MYO5C: variants seen among roughly 807,000 people sequenced by gnomAD.
MYO5C encodes the protein myosin VC, also known as unconventional myosin-Vc.
MYO5C carries 194 observed loss-of-function variants against 235.7 expected under a neutral mutation model. That is an observed-to-expected ratio of 0.82 (90% CI 0.73 to 0.93). The LOEUF is 0.93. MYO5C is among the 40% of genes least tolerant of loss of function. MYO5C has a pLI of 0.00. For synonymous variants in MYO5C, 707 were observed against 754.8 expected (o/e 0.94, Z 1.04); for missense variants, 2,038 against 2,127.2 (o/e 0.96, Z 0.82).
chr15:52,230,158 G>C (rs549853940), intron 24 of MYO5C, among the ~76,000 whole-genome samples: 1 of 152,296 alleles, frequency 6.6e-6, no homozygotes, highest in African/African-American at 2.4e-5. Flanking sequence ...TGCTCTAGAA[G>C]GTTGCTCAAT....
Position 52,195,413 on chromosome 15 carries a change from C to T in MYO5C, c.5040G>A (p.Glu1680=). 3 of 1,613,592 alleles carry T rather than the reference C, an allele frequency of 1.9e-6. No homozygotes were observed. The highest frequency in any genetic ancestry group is 2.5e-6 in the Non-Finnish European group (3 of 1,179,722). Residue 1680 remains glutamate (E), a synonymous_variant, in exon 40 of 41, where the codon GAG becomes GAA. Transcript: ENST00000261839. ...GAACAAAGGATGGAGTCACTCTCTT[C>T]TCAAAGTCATCTATAGGTGTGTATG... ...LNSYTPIDDF[E]KRVTPSFVRK... is the part of the protein sequence containing the mutation.
At chr15:52,293,918 C>A (rs1405547900) in intron 1 of MYO5C, among the ~76,000 whole-genome samples, 2 of 152,192 alleles carry the variant, frequency 1.3e-5, no homozygotes, top group Non-Finnish European at 1.5e-5. Context: ...CCCTTCACAC[C>A]TCCAGAACAG....
intron 25 of MYO5C, 31 bp downstream of exon 25, chr15:52,229,102 A>G (rs771128374): frequency 6.2e-7 from 1 of 1,609,224 alleles, no homozygotes; most frequent in African/African-American, 1.3e-5. Flanking sequence ...ACGTAACCAG[A>G]GGGCGGGGCT....
At chr15:52,203,738 CT>C (rs904393561) in intron 38 of MYO5C, among the ~76,000 whole-genome samples, 20 of 152,048 alleles carry the variant, frequency 1.3e-4, no homozygotes, top group African/African-American at 4.1e-4. Flanking sequence ...TTCTTTCTCT[CT>C]TTTTTTTGTA....
chr15:52,268,344 C>G (rs532601042), intron 8 of MYO5C, among the ~76,000 whole-genome samples: 1 of 152,288 alleles, frequency 6.6e-6, no homozygotes, highest in African/African-American at 2.4e-5. Flanking sequence ...GCGGGCAGAT[C>G]ACGAGGTCAG....
chr15:52,253,807 C>A (rs1194660036), intron 11 of MYO5C, among the ~76,000 whole-genome samples: 1 of 152,210 alleles, frequency 6.6e-6, no homozygotes, highest in Non-Finnish European at 1.5e-5. Context: ...CCTAATGCAG[C>A]CTGGCTGGGT....
At chr15:52,232,864 AAAT>A (rs1372567774) in intron 23 of MYO5C, among the ~76,000 whole-genome samples, 179 bp from the exon 24 acceptor site, 4 of 152,214 alleles carry the variant, frequency 2.6e-5, no homozygotes, top group Non-Finnish European at 5.9e-5. Context: ...GGGGGTTTCA[AAAT>A]AATAATTCTC....
chr15:52,239,337 T>A (rs2036161162), intron 21 of MYO5C, among the ~76,000 whole-genome samples: 5 of 152,324 alleles, frequency 3.3e-5, no homozygotes, highest in South Asian at 4.1e-4. Flanking sequence ...AAGGCACCTG[T>A]GGGAAAATTA....
intron 39 of MYO5C, among the ~76,000 whole-genome samples, chr15:52,195,927 T>C (rs2035037968): frequency 6.8e-6 from 1 of 146,202 alleles, no homozygotes; most frequent in Admixed American, 7.0e-5. Flanking sequence ...GCCTCCCAAG[T>C]AGCTGGGACC....
intron 38 of MYO5C, among the ~76,000 whole-genome samples, chr15:52,200,431 G>A (rs1415604783): frequency 6.6e-6 from 1 of 152,038 alleles, no homozygotes; most frequent in Non-Finnish European, 1.5e-5. Context: ...AGCCAGATAT[G>A]GTAGTGGGTG....
chr15:52,238,292 C>A (rs2036133915), intron 21 of MYO5C, among the ~76,000 whole-genome samples: 2 of 152,210 alleles, frequency 1.3e-5, no homozygotes, highest in African/African-American at 4.8e-5. Flanking sequence ...AACTAACACA[C>A]CTAGGACAGA....
At chr15:52,213,483 G>A (rs1408866582) in intron 33 of MYO5C, 197 bp from the exon 34 acceptor site, 2 of 481,548 alleles carry the variant, frequency 4.2e-6, no homozygotes, top group South Asian at 3.0e-5. Flanking sequence ...ACATCAGTGA[G>A]TACAGCTGCT....
At chr15:52,255,034 C>A (rs1233497421) in intron 11 of MYO5C, among the ~76,000 whole-genome samples, 1 of 148,530 alleles carries the variant, frequency 6.7e-6, no homozygotes, top group Non-Finnish European at 1.5e-5. Flanking sequence ...GAAACTTCTA[C>A]TGAGTAGGAT....
intron 8 of MYO5C, among the ~76,000 whole-genome samples, chr15:52,269,418 A>T (rs1306725387): frequency 3.7e-5 from 4 of 107,698 alleles, no homozygotes; most frequent in South Asian, 3.4e-4. Flanking sequence ...TTTAAGAGAG[A>T]GTCTTGATCT....
At chr15:52,268,655 T>TGAGAGAG (rs930094484) in intron 8 of MYO5C, among the ~76,000 whole-genome samples, 4 of 152,298 alleles carry the variant, frequency 2.6e-5, no homozygotes, top group South Asian at 2.1e-4. Context: ...TCATACAGAA[T>TGAGAGAG]GAGAGAGTGA....
intron 32 of MYO5C, among the ~76,000 whole-genome samples, chr15:52,217,476 T>C (rs4776020): frequency 0.049 from 7,454 of 152,238 alleles, 212 homozygotes; most frequent in African/African-American, 0.071. Context: ...GCTGACTCCA[T>C]TGAGATCCCA....
Position 52,204,931 on chromosome 15 carries a change from G to T in MYO5C, c.4754C>A (p.Ala1585Glu). Residue 1585 changes from alanine (A) to glutamate (E), a missense_variant, in exon 38 of 41, where the codon GCG (alanine) becomes GAG (glutamate). Physicochemically the swap from Ala to Glu is moderately radical, Grantham distance 107. Coordinates refer to ENST00000261839, the MANE Select transcript of MYO5C (RefSeq NM_018728.4). ...AVKQLFFLIGAVTLNSLFLRK... is the reference protein window; with the variant it reads ...AVKQLFFLIGEVTLNSLFLRK... Reference sequence around the variant, plus strand: ...CAGGAAGAGGCTGTTCAGCGTGACCGCCCCGATCAAGAAGAAGAGCTGCTT... The same window carrying T: ...CAGGAAGAGGCTGTTCAGCGTGACCTCCCCGATCAAGAAGAAGAGCTGCTT... The T allele has an allele frequency of 6.2e-7, 1 of 1,614,196 alleles. No homozygotes were observed. Among genetic ancestry groups the T allele is most frequent in the Non-Finnish European group, 8.5e-7 (1 of 1,180,034 alleles).
chr15:52,295,613 C>A lies in MYO5C; in HGVS notation c.24G>T (p.Thr8=). The change falls in exon 1 of 41, where the codon ACG becomes ACT. Residue 8 remains threonine (T), a synonymous_variant. Transcript: ENST00000261839. ...GGAGCCCAGCGGACCCTCCTACCTGCGTGTACAGCTCGGCCACCGCCATGG... is the reference window on the plus strand; with the variant it reads ...GGAGCCCAGCGGACCCTCCTACCTGAGTGTACAGCTCGGCCACCGCCATGG... The part of the protein sequence containing the change: MAVAELY[T]QYNRVWIPDP... 5 of 1,492,272 alleles carry A rather than the reference C, an allele frequency of 3.4e-6. No individual in the cohort carries two copies. Among genetic ancestry groups the A allele is most frequent in the Non-Finnish European group, 3.6e-6 (4 of 1,123,728 alleles). 92.4% of individuals were successfully genotyped at this position (1,492,272 alleles called of 1,614,324 possible).
intron 19 of MYO5C, 34 bp downstream of exon 19, chr15:52,244,322 A>C: frequency 1.3e-6 from 2 of 1,596,070 alleles, no homozygotes. Context: ...AGAAAGCCCC[A>C]CAGTTCCACA....
Sources: gnomAD v4.1 joint callset for allele counts (sites outside exome capture counted in the v4.1 genomes callset) on GRCh38, gnomAD v4.1.1 for gene constraint, MANE v1.5 for transcripts, NCBI Gene and HGNC (gene_info 2026-07-23, HGNC 2026-07-21) for gene names.